The following PTPRT variants were observed in gnomAD, a reference collection of about 807,000 sequenced individuals.
PTPRT encodes protein tyrosine phosphatase receptor type T, also known as receptor-type tyrosine-protein phosphatase T.
PTPRT carries 56 observed loss-of-function variants against 176.8 expected under a neutral mutation model. The ratio of observed to expected loss-of-function variants is 0.32; its 90% CI spans 0.26 to 0.40. The LOEUF is 0.40. PTPRT is among the 10% of genes least tolerant of loss of function. PTPRT has a pLI of 1.00. For synonymous variants in PTPRT, 783 were observed against 739.0 expected, an observed-to-expected ratio of 1.06 and a Z score of -0.96; for missense variants, 1,540 against 1,908.2, an observed-to-expected ratio of 0.81 and a Z score of 3.60.
intron 12 of PTPRT, among the ~76,000 whole-genome samples, chr20:42,313,750 T>C (rs1400004725): frequency 1.3e-5 from 2 of 152,138 alleles, no homozygotes. Flanking sequence ...CCAATTTTTA[T>C]GTCTTCCTGC....
intron 6 of PTPRT, among the ~76,000 whole-genome samples, chr20:42,699,978 C>G (rs535747802): frequency 6.6e-6 from 1 of 152,246 alleles, no homozygotes; most frequent in South Asian, 2.1e-4. Context: ...GCTTTCCTAC[C>G]TACCCATCTT....
intron 8 of PTPRT, among the ~76,000 whole-genome samples, chr20:42,457,135 T>A (rs926450142): frequency 1.3e-5 from 2 of 152,160 alleles, no homozygotes; most frequent in African/African-American, 4.8e-5. Context: ...CATAAAACAA[T>A]CATCTCATTA....
At chr20:42,550,754 C>A (rs2072756346) in intron 7 of PTPRT, among the ~76,000 whole-genome samples, 1 of 152,118 alleles carries the variant, frequency 6.6e-6, no homozygotes, top group Non-Finnish European at 1.5e-5. Flanking sequence ...CAGATTACAT[C>A]TGTGGAATAA....
intron 6 of PTPRT, among the ~76,000 whole-genome samples, chr20:42,690,920 T>C (rs1431550929): frequency 6.6e-6 from 1 of 152,142 alleles, no homozygotes; most frequent in African/African-American, 2.4e-5. Context: ...AGGCCCTACA[T>C]AAACGTGAGT....
In PTPRT at chr20:43,004,947, A is replaced by G. The variant is rs187468667; in HGVS notation, c.89-119015T>C. Among the ~76,000 whole-genome samples, 9 of 152,292 alleles carry G rather than the reference A, an allele frequency of 5.9e-5. No individual in the cohort carries two copies. In the East Asian group the frequency reaches 1.5e-3, roughly 26 times the overall value. ...GAATTTGGCTTTGTATATAAGATAC[A>G]TATGTTTAGGGATGTAAGCATCACT... On this transcript the variant is annotated intron_variant, in intron 1 of 30. Transcript: ENST00000373187.
intron 7 of PTPRT, among the ~76,000 whole-genome samples, chr20:42,587,432 A>T (rs2073491125): frequency 1.3e-5 from 2 of 152,208 alleles, no homozygotes; most frequent in African/African-American, 2.4e-5. Context: ...TCATATCTTG[A>T]CCCAAGGCAG....
intron 13 of PTPRT, among the ~76,000 whole-genome samples, chr20:42,271,693 G>A (rs2056938262): frequency 6.6e-6 from 1 of 152,138 alleles, no homozygotes; most frequent in Non-Finnish European, 1.5e-5. Flanking sequence ...TCAAACCCTG[G>A]TTTGTCTGGC....
chr20:42,787,878 G>A (rs1417927741), intron 3 of PTPRT, among the ~76,000 whole-genome samples: 1 of 152,094 alleles, frequency 6.6e-6, no homozygotes, highest in Non-Finnish European at 1.5e-5. Flanking sequence ...TGATTACAGG[G>A]TACTGCCTCA....
chr20:42,934,009 T>G (rs964927406), intron 1 of PTPRT, among the ~76,000 whole-genome samples: 1 of 152,244 alleles, frequency 6.6e-6, no homozygotes, highest in Non-Finnish European at 1.5e-5. Context: ...AACTCATTTT[T>G]CCCCAGTGCC....
chr20:42,779,917 T>C (rs2145496458), intron 4 of PTPRT, among the ~76,000 whole-genome samples: 1 of 152,020 alleles, frequency 6.6e-6, no homozygotes, highest in African/African-American at 2.4e-5. Flanking sequence ...ACTTCAGTGG[T>C]CTGAATCCCA....
At chr20:42,975,452 A>G (rs1600612870) in intron 1 of PTPRT, among the ~76,000 whole-genome samples, 1 of 152,342 alleles carries the variant, frequency 6.6e-6, no homozygotes, top group East Asian at 1.9e-4. Flanking sequence ...CCATTTTCCT[A>G]TATTTTCCAG....
chr20:42,961,948 G>A (rs1031831365), intron 1 of PTPRT, among the ~76,000 whole-genome samples: 1 of 152,164 alleles, frequency 6.6e-6, no homozygotes. Context: ...CATGAGCCCA[G>A]GAATGCAGGT....
At chr20:42,046,145 G>A in the PTPRT span, among the ~76,000 whole-genome samples, 102,191 of 152,028 alleles carry the variant, frequency 0.67, 35,190 homozygotes, top group African/African-American at 0.8. Flanking sequence ...CCTGGGGCTG[G>A]GAGCACCCAA....
chr20:42,211,841 T>G (rs1030607422), intron 15 of PTPRT, among the ~76,000 whole-genome samples: 1 of 151,724 alleles, frequency 6.6e-6, no homozygotes, highest in South Asian at 2.1e-4. Context: ...TAAAGACACA[T>G]GCACACATAT....
At chr20:42,791,154 T>C (rs1339231682) in intron 3 of PTPRT, 41 bp downstream of exon 3, 8 of 1,533,462 alleles carry the variant, frequency 5.2e-6, no homozygotes, top group African/African-American at 1.4e-5. Flanking sequence ...TATAGATTTA[T>C]TACAAATTTT....
intron 16 of PTPRT, among the ~76,000 whole-genome samples, chr20:42,183,735 G>A (rs1478179120): frequency 6.6e-6 from 1 of 152,032 alleles, no homozygotes; most frequent in East Asian, 1.9e-4. Flanking sequence ...CCTATAGAAG[G>A]GTTGAGTCTG....
chr20:42,485,129 C>T (rs2071445496), intron 7 of PTPRT, among the ~76,000 whole-genome samples: 1 of 152,068 alleles, frequency 6.6e-6, no homozygotes, highest in Non-Finnish European at 1.5e-5. Context: ...ATTACTTTTG[C>T]GCTAGAGGAA....
intron 1 of PTPRT, among the ~76,000 whole-genome samples, chr20:43,051,932 G>A (rs1987062492): frequency 6.6e-6 from 1 of 152,110 alleles, no homozygotes; most frequent in South Asian, 2.1e-4. Context: ...ACTTGAAAAT[G>A]TAGCAAATTT....
chr20:42,793,535 G>T (rs2077407554), intron 2 of PTPRT, among the ~76,000 whole-genome samples: 1 of 152,172 alleles, frequency 6.6e-6, no homozygotes, highest in African/African-American at 2.4e-5. Flanking sequence ...GCACCTCCTG[G>T]GGAAGGAGCC....
Sources: gnomAD v4.1 joint callset for allele counts (sites outside exome capture counted in the v4.1 genomes callset) on GRCh38, gnomAD v4.1.1 for gene constraint, MANE v1.5 for transcripts, NCBI Gene and HGNC (gene_info 2026-07-23, HGNC 2026-07-21) for gene names.